Variants in ANO4 observed in about 807,000 individuals in gnomAD.
ANO4 encodes the protein anoctamin-4.
A neutral mutation model predicts 141.9 loss-of-function variants in ANO4; 69 were observed. That is an observed-to-expected ratio of 0.49 (90% CI 0.40 to 0.59). ANO4 has a LOEUF of 0.59. ANO4 is among the 20% of genes least tolerant of loss of function. The pLI, the probability that ANO4 is intolerant of heterozygous loss-of-function variation, is 0.00. For missense variants in ANO4, 894 were observed against 1,162.2 expected (o/e 0.77, Z 3.36); for synonymous variants, 350 against 394.3 (o/e 0.89, Z 1.33).
intron 16 of ANO4, among the ~76,000 whole-genome samples, chr12:101,084,978 A>G (rs1053494047): frequency 1.3e-5 from 2 of 152,188 alleles, no homozygotes; most frequent in African/African-American, 2.4e-5. Flanking sequence ...ATTTCAGCAT[A>G]GATTTTACCT....
intron 1 of ANO4, among the ~76,000 whole-genome samples, chr12:100,843,576 C>T (rs1409707717): frequency 6.6e-6 from 1 of 152,142 alleles, no homozygotes; most frequent in Non-Finnish European, 1.5e-5. Flanking sequence ...TTTAAAAGTG[C>T]TCTGTAAAAT....
At chr12:101,031,717 A>C (rs1420625010) in intron 9 of ANO4, among the ~76,000 whole-genome samples, 1 of 152,222 alleles carries the variant, frequency 6.6e-6, no homozygotes, top group Non-Finnish European at 1.5e-5. Flanking sequence ...TTAAGCTGAC[A>C]AGCAACTTCA....
At chr12:100,945,246 A>G (rs931544709) in intron 5 of ANO4, among the ~76,000 whole-genome samples, 6 of 152,354 alleles carry the variant, frequency 3.9e-5, no homozygotes, top group African/African-American at 1.4e-4. Context: ...TCTCTTTAAC[A>G]TTGAATTTCA....
At chr12:100,802,557 G>A (rs939786000) in intron 1 of ANO4, among the ~76,000 whole-genome samples, 2 of 152,194 alleles carry the variant, frequency 1.3e-5, no homozygotes, top group African/African-American at 4.8e-5. Context: ...GAGCATGAAA[G>A]CAAATAAATA....
At chr12:100,778,308 G>T (rs1396685430) in intron 3 of ANO4, among the ~76,000 whole-genome samples, 1 of 152,158 alleles carries the variant, frequency 6.6e-6, no homozygotes, top group Non-Finnish European at 1.5e-5. Context: ...TGTGACAAGT[G>T]GGGGTGAATG....
intron 1 of ANO4, chr12:100,733,633 G>A: frequency 1.8e-6 from 1 of 557,950 alleles, no homozygotes; most frequent in Non-Finnish European, 3.2e-6. Context: ...ACGTTGATGG[G>A]TGAACCACTG....
intron 1 of ANO4, among the ~76,000 whole-genome samples, chr12:100,829,123 TTCTTTAAATAAATTAGTAGAGGGAAAAGC>T (rs1268221101): frequency 1.3e-5 from 2 of 152,092 alleles, no homozygotes; most frequent in African/African-American, 4.8e-5. Context: ...ATATCTTGGT[TTCTTTAAATAAATTAGTAGAGGGAAAAGC>T]TGAATCGACA....
intron 5 of ANO4, among the ~76,000 whole-genome samples, chr12:100,949,315 ATAAT>A (rs1286963181): frequency 2.6e-5 from 4 of 152,232 alleles, no homozygotes; most frequent in African/African-American, 4.8e-5. Context: ...GCAACAATAG[ATAAT>A]TAATACAGTG....
In ANO4 at chr12:101,048,242, C is replaced by G. The variant is rs188949665; in HGVS notation, c.1252-99C>G. 1.9e-5 allele frequency: 26 copies of G among 1,357,590 alleles called. No individual in the cohort carries two copies. The East Asian group carries it at 3.3e-4, about 17-fold the overall frequency. 84.1% of individuals were successfully genotyped at this position (1,357,590 alleles called of 1,614,324 possible). On this transcript the variant is annotated intron_variant, in intron 13 of 27. Coordinates refer to ENST00000392977, the MANE Select transcript of ANO4 (RefSeq NM_001286615.2). ...TACCCAAAACAAAGCCTGTAAAACT[C>G]ATTATATAATCACAGCTATTTTTAC...
In ANO4 at chr12:101,087,354, CA is replaced by C. The variant is rs763741671; in HGVS notation, c.1701+544del. Reference sequence around the variant, plus strand: ...GTAACATAGTGGGACCTTGTCTCTACAAAAAAAAAAAAAATTAATTAGCTGG... The same window carrying C: ...GTAACATAGTGGGACCTTGTCTCTACAAAAAAAAAAAAATTAATTAGCTGG... On this transcript the variant is annotated intron_variant, in intron 17 of 27. Transcript: ENST00000392977. Among the ~76,000 whole-genome samples the C allele has an allele frequency of 4.1e-3, 524 of 129,022 alleles. 1 individual carries two copies. Among genetic ancestry groups the C allele is most frequent in the South Asian group, 0.021 (87 of 4,144 alleles). 84.6% of individuals were successfully genotyped at this position (129,022 alleles called of 152,430 possible).
At chr12:100,823,900 A>G (rs1593434055) in intron 1 of ANO4, among the ~76,000 whole-genome samples, 1 of 152,208 alleles carries the variant, frequency 6.6e-6, no homozygotes, top group East Asian at 1.9e-4. Context: ...CACATACTGT[A>G]TTAGAATAGT....
chr12:100,802,316 G>C (rs1353709450), intron 1 of ANO4, among the ~76,000 whole-genome samples: 2 of 152,182 alleles, frequency 1.3e-5, no homozygotes, highest in African/African-American at 4.8e-5. Context: ...TGAAAAAGTG[G>C]CTTGGAAAAT....
rs578161754 is a variant in ANO4 at position 100,879,412 on chromosome 12, G to A, written c.-140-22234G>A. 2.0e-5 allele frequency among the ~76,000 whole-genome samples: 3 copies of A among 152,252 alleles called. No individual in the cohort carries two copies. In the East Asian group the frequency reaches 5.8e-4, roughly 29 times the overall value. ...TGGCTCCAGTTTCATTTGGGGATTA[G>A]GGATTGGATTAGAATTTGTAAATCT... On this transcript the variant is annotated intron_variant, in intron 1 of 27. Transcript: ENST00000392977.
intron 2 of ANO4, among the ~76,000 whole-genome samples, chr12:100,917,716 C>T (rs574716162): frequency 6.6e-6 from 1 of 152,202 alleles, no homozygotes; most frequent in East Asian, 1.9e-4. Flanking sequence ...AGTTCCAGAC[C>T]ATTACATTAT....
At chr12:100,732,466 A>G (rs1254397011) in intron 1 of ANO4, among the ~76,000 whole-genome samples, 1 of 152,122 alleles carries the variant, frequency 6.6e-6, no homozygotes, top group African/African-American at 2.4e-5. Context: ...TACTTTATAT[A>G]ACAATCCTTT....
At position 101,125,999 on chromosome 12, in the gene ANO4, T is replaced by C. The variant is rs1348119638; in HGVS notation, c.2677-880T>C. Among the ~76,000 whole-genome samples, 7 of 152,174 alleles carry C rather than the reference T, an allele frequency of 4.6e-5. No individual in the cohort carries two copies. In the East Asian group the frequency reaches 1.3e-3, roughly 29 times the overall value. ...CATTGTACCTCTGGTAGAATTCTGC[T>C]GTAAATCTGTCAGACAAAACTTTTT... is the stretch of plus-strand genomic sequence containing the variant. On this transcript the variant is annotated intron_variant, in intron 26 of 27. Coordinates refer to ENST00000392977, the MANE Select transcript of ANO4 (RefSeq NM_001286615.2).
chr12:100,819,871 T>C (rs1397878290), intron 1 of ANO4, among the ~76,000 whole-genome samples: 3 of 151,992 alleles, frequency 2.0e-5, no homozygotes, highest in Admixed American at 2.0e-4. Context: ...TCTGTTTTGC[T>C]TACTCCAACT....
chr12:100,863,681 CTT>C (rs995610071), intron 1 of ANO4, among the ~76,000 whole-genome samples: 1 of 152,114 alleles, frequency 6.6e-6, no homozygotes, highest in African/African-American at 2.4e-5. Flanking sequence ...ATTATTAAAA[CTT>C]AACAATAATT....
intron 1 of ANO4, among the ~76,000 whole-genome samples, chr12:100,723,255 A>G (rs1237270665): frequency 2.0e-5 from 3 of 152,188 alleles, no homozygotes; most frequent in African/African-American, 7.2e-5. Flanking sequence ...CTGGGCTGCT[A>G]TATAACAAAA....
Sources: gnomAD v4.1 joint callset for allele counts (sites outside exome capture counted in the v4.1 genomes callset) on GRCh38, gnomAD v4.1.1 for gene constraint, MANE v1.5 for transcripts, NCBI Gene and HGNC (gene_info 2026-07-23, HGNC 2026-07-21) for gene names.